Variants in SLC6A15 observed in about 807,000 individuals in gnomAD.
SLC6A15 encodes solute carrier family 6 member 15, also known as sodium-dependent neutral amino acid transporter B(0)AT2.
Under a neutral mutation model 68.5 loss-of-function variants are expected in SLC6A15, and 33 were observed. The ratio of observed to expected loss-of-function variants is 0.48; its 90% CI spans 0.37 to 0.64. SLC6A15 has a LOEUF of 0.64. Ranked by LOEUF, SLC6A15 falls within the 30% of genes least tolerant of loss-of-function variation. SLC6A15 has a pLI of 0.00. For synonymous variants in SLC6A15, 347 were observed against 301.0 expected (o/e 1.15, Z -1.58); for missense variants, 747 against 874.3 (o/e 0.85, Z 1.84).
chr12:84,900,310 T>C (rs988218677), intron 1 of SLC6A15, among the ~76,000 whole-genome samples: 17 of 152,066 alleles, frequency 1.1e-4, no homozygotes, highest in African/African-American at 3.6e-4. Context: ...ATTTTTAATA[T>C]AGGTTTCTGC....
chr12:84,910,678 G>T (rs897243618), intron 1 of SLC6A15, among the ~76,000 whole-genome samples: 1 of 152,100 alleles, frequency 6.6e-6, no homozygotes, highest in Non-Finnish European at 1.5e-5. Flanking sequence ...GCTGGACAAA[G>T]GTCCAAGGAA....
intron 1 of SLC6A15, among the ~76,000 whole-genome samples, chr12:84,896,167 G>A (rs114718943): frequency 2.0e-3 from 298 of 152,240 alleles, no homozygotes; most frequent in African/African-American, 6.7e-3. Flanking sequence ...CATCTGCACC[G>A]AAGAGTTGTA....
intron 2 of SLC6A15, 51 bp from the exon 3 acceptor site, chr12:84,886,119 T>TAA: frequency 7.8e-7 from 1 of 1,281,134 alleles, no homozygotes; most frequent in Non-Finnish European, 1.1e-6. Context: ...CAGTAGAAAA[T>TAA]ACACTAGTTC....
chr12:84,895,509 C>T (rs891114282), intron 1 of SLC6A15, among the ~76,000 whole-genome samples: 15 of 151,496 alleles, frequency 9.9e-5, no homozygotes, highest in African/African-American at 1.5e-4. Context: ...TCCCCATGCC[C>T]GGCTAATTTT....
intron 1 of SLC6A15, among the ~76,000 whole-genome samples, chr12:84,892,543 A>G (rs1272753630): frequency 1.3e-5 from 2 of 151,942 alleles, no homozygotes; most frequent in Non-Finnish European, 2.9e-5. Flanking sequence ...TCTCAGATAC[A>G]CTCCAATGCA....
At chr12:84,882,587 A>T (rs920470655) in intron 5 of SLC6A15, 2 of 467,790 alleles carry the variant, frequency 4.3e-6, no homozygotes, top group African/African-American at 4.2e-5. Flanking sequence ...AATTGGTGGG[A>T]CTAGGACGGG....
chr12:84,880,908 A>T, intron 5 of SLC6A15: 1 of 977,366 alleles, frequency 1.0e-6, no homozygotes, highest in Non-Finnish European at 1.2e-6. Flanking sequence ...TCTTTTTGAA[A>T]ATTCTGTAGC....
chr12:84,909,431 A>G (rs1419064912), intron 1 of SLC6A15, among the ~76,000 whole-genome samples: 1 of 152,216 alleles, frequency 6.6e-6, no homozygotes, highest in East Asian at 1.9e-4. Flanking sequence ...ACAGAAAAAG[A>G]GATGATCATT....
intron 2 of SLC6A15, among the ~76,000 whole-genome samples, chr12:84,888,972 C>T (rs892398683): frequency 4.6e-5 from 7 of 152,126 alleles, no homozygotes; most frequent in Admixed American, 3.9e-4. Flanking sequence ...CCAAAGCAAG[C>T]CACAAAACCT....
rs1870829625 is a variant in SLC6A15, at chr12:84,861,166, C to CCTAT, written c.*462_*465dup. ...GTCAATGCTACCAAAATCAATACAG[C>CCTAT]CTATCTACATAATATATTCATAGAA... On this transcript the variant is annotated 3_prime_UTR_variant, in exon 12 of 12. Coordinates refer to ENST00000266682, the MANE Select transcript of SLC6A15 (RefSeq NM_182767.6). 6.5e-6 allele frequency: 1 copy of CCTAT among 153,090 alleles called. No homozygotes were observed. The allele number at this position is 153,090 out of a possible 1,614,324, so 9.5% of individuals were successfully genotyped here.
intron 1 of SLC6A15, among the ~76,000 whole-genome samples, chr12:84,901,374 C>T (rs1371655403): frequency 1.3e-5 from 2 of 151,592 alleles, no homozygotes; most frequent in Non-Finnish European, 3.0e-5. Flanking sequence ...ATGTAAGGTG[C>T]CAAACTCATT....
chr12:84,911,507 G>A (rs1211816063), intron 1 of SLC6A15, among the ~76,000 whole-genome samples: 1 of 152,202 alleles, frequency 6.6e-6, no homozygotes, highest in Non-Finnish European at 1.5e-5. Context: ...AAAGCGGGAC[G>A]CTGGAGAGCG....
In SLC6A15 at chr12:84,861,671, C is replaced by T; in HGVS notation, c.2154G>A (p.Met718Ile). Residue 718 changes from methionine (M) to isoleucine (I), a missense_variant, in exon 12 of 12, where the codon ATG becomes ATA. Coordinates refer to ENST00000266682, the MANE Select transcript of SLC6A15 (RefSeq NM_182767.6). ...CTGGCATATCTGGCATAATATCTGCCATCAAGTACCCTATTCCATACCGTC... is the reference window on the plus strand; with the variant it reads ...CTGGCATATCTGGCATAATATCTGCTATCAAGTACCCTATTCCATACCGTC... ...PNGRYGIGYLMADIMPDMPES... is the reference protein window; with the variant it reads ...PNGRYGIGYLIADIMPDMPES... 1.2e-6 allele frequency: 2 copies of T among 1,605,494 alleles called. No homozygotes were observed. The highest frequency in any genetic ancestry group is 1.7e-6 in the Non-Finnish European group (2 of 1,173,672).
intron 1 of SLC6A15, among the ~76,000 whole-genome samples, chr12:84,894,024 G>A (rs749120110): frequency 3.9e-5 from 6 of 152,206 alleles, no homozygotes; most frequent in African/African-American, 9.6e-5. Context: ...GCCGAGAAGC[G>A]ATCACAGTGA....
In SLC6A15 at chr12:84,885,967, C is replaced by A; in HGVS notation, c.391G>T (p.Gly131Cys). Reference sequence around the variant, plus strand: ...TTAGGGCTTATGTAATTCCATACACCAATGCTGCCTCGCCGAATTCTTTGA... The same window carrying A: ...TTAGGGCTTATGTAATTCCATACACAAATGCTGCCTCGCCGAATTCTTTGA... ...VGQRIRRGSI[G>C]VWNYISPKLG... Residue 131 changes from glycine (G) to cysteine (C), a missense_variant, in exon 3 of 12, where the codon GGT (glycine) becomes TGT (cysteine). Transcript: ENST00000266682. 1 of 1,613,036 alleles carries A rather than the reference C, an allele frequency of 6.2e-7. No individual in the cohort carries two copies.
chr12:84,889,033 TC>T (rs1160941116), intron 2 of SLC6A15, among the ~76,000 whole-genome samples: 1 of 152,114 alleles, frequency 6.6e-6, no homozygotes, highest in Non-Finnish European at 1.5e-5. Context: ...TCCGGAGACG[TC>T]CTGTTTCATA....
chr12:84,878,732 A>T (rs1265493598), intron 5 of SLC6A15, among the ~76,000 whole-genome samples: 2 of 152,052 alleles, frequency 1.3e-5, no homozygotes, highest in Non-Finnish European at 2.9e-5. Context: ...ATATTATTCG[A>T]GGCTAAAATA....
chr12:84,894,919 C>T (rs568366194), intron 1 of SLC6A15, among the ~76,000 whole-genome samples: 3 of 151,958 alleles, frequency 2.0e-5, no homozygotes, highest in Non-Finnish European at 4.4e-5. Context: ...CAACTCTAGC[C>T]AAACTTTATA....
At chr12:84,910,987 A>G (rs1015383441) in intron 1 of SLC6A15, among the ~76,000 whole-genome samples, 1 of 150,254 alleles carries the variant, frequency 6.7e-6, no homozygotes, top group Non-Finnish European at 1.5e-5. Flanking sequence ...AAAACCTAAC[A>G]CTGTTCAAAG....
Sources: gnomAD v4.1 joint callset for allele counts (sites outside exome capture counted in the v4.1 genomes callset) on GRCh38, gnomAD v4.1.1 for gene constraint, MANE v1.5 for transcripts, NCBI Gene and HGNC (gene_info 2026-07-23, HGNC 2026-07-21) for gene names.